The following RCN1 variants were observed in gnomAD, a reference collection of about 807,000 sequenced individuals.
RCN1 encodes reticulocalbin 1.
In RCN1, 14 loss-of-function variants were observed where a neutral mutation model predicts 34.7. The ratio of observed to expected loss-of-function variants is 0.40; its 90% confidence interval spans 0.27 to 0.63. The LOEUF is 0.63. Ranked by LOEUF, RCN1 falls within the 30% of genes least tolerant of loss-of-function variation. The probability of loss-of-function intolerance (pLI) is 0.37; values close to 1 mark genes in which losing one functional copy is unlikely to be tolerated. For missense variants in RCN1, 326 were observed against 425.1 expected (o/e 0.77, Z 2.05); for synonymous variants, 125 against 165.5 (o/e 0.76, Z 1.88).
chr11:32,091,634 G>A (rs1851923115), intron 1 of RCN1, 184 bp downstream of exon 1: 1 of 710,726 alleles, frequency 1.4e-6, no homozygotes, highest in Non-Finnish European at 2.1e-6. Context: ...CGGGACCCCA[G>A]CTTGGAGATC....
At chr11:32,101,970 G>T (rs147286218) in intron 4 of RCN1, 1 of 152,240 alleles carries the variant, frequency 6.6e-6, no homozygotes, top group East Asian at 1.9e-4. Flanking sequence ...TCTTTGAGTG[G>T]CTTTGCCTAA....
intron 4 of RCN1, chr11:32,102,286 A>G (rs1852054720): frequency 6.6e-6 from 1 of 151,992 alleles, no homozygotes; most frequent in Admixed American, 6.5e-5. Flanking sequence ...AAGTGAGCCC[A>G]TTTTTACAGG....
At chr11:32,099,149 C>T (rs990532383) in intron 3 of RCN1, among the ~76,000 whole-genome samples, 1 of 152,154 alleles carries the variant, frequency 6.6e-6, no homozygotes, top group South Asian at 2.1e-4. Flanking sequence ...GAAATGCTGT[C>T]TCTACTAAAG....
At chr11:32,100,732 G>A in intron 4 of RCN1, 124 bp downstream of exon 4, 2 of 686,874 alleles carry the variant, frequency 2.9e-6, no homozygotes, top group Admixed American at 4.8e-5. Flanking sequence ...CGTCACTCCT[G>A]GGAGCTTCCA....
intron 1 of RCN1, among the ~76,000 whole-genome samples, chr11:32,093,600 C>T (rs1361197109): frequency 6.6e-6 from 1 of 151,968 alleles, no homozygotes; most frequent in African/African-American, 2.4e-5. Context: ...AGAAAACAGC[C>T]CATTTCTAAA....
At chr11:32,099,120 C>G (rs1255426094) in intron 3 of RCN1, among the ~76,000 whole-genome samples, 1 of 152,050 alleles carries the variant, frequency 6.6e-6, no homozygotes, top group East Asian at 1.9e-4. Flanking sequence ...GAGTTTGAAA[C>G]CAGCCTGGCC....
chr11:32,091,076 T>G lies in RCN1; in HGVS notation c.-121T>G. 3 of 1,158,706 alleles carry G rather than the reference T, an allele frequency of 2.6e-6. No individual in the cohort carries two copies. Among genetic ancestry groups the G allele is most frequent in the African/African-American group, 1.6e-5 (1 of 60,802 alleles). 71.8% of individuals were successfully genotyped at this position (1,158,706 alleles called of 1,614,324 possible). ...GGGCACTGGCGGAGGGACTGGCCAG[T>G]CCCCTCCTCCGCGCCGGCCCCAACC... On this transcript the variant is annotated 5_prime_UTR_variant, in exon 1 of 6. Coordinates refer to ENST00000054950, the MANE Select transcript of RCN1 (RefSeq NM_002901.4).
At chr11:32,092,603 C>A (rs564327426) in intron 1 of RCN1, among the ~76,000 whole-genome samples, 64 of 152,246 alleles carry the variant, frequency 4.2e-4, no homozygotes, top group African/African-American at 1.5e-3. Context: ...CATTTTAGTA[C>A]ACCCTCCCCG....
chr11:32,094,218 CT>C (rs1851947655), intron 1 of RCN1, among the ~76,000 whole-genome samples: 1 of 152,142 alleles, frequency 6.6e-6, no homozygotes, highest in African/African-American at 2.4e-5. Context: ...ATCTAGGCAA[CT>C]TTGTCACCAT....
rs145162242 is a variant in RCN1, at chr11:32,097,997, C to T, written c.449-353C>T. Among the ~76,000 whole-genome samples the T allele has an allele frequency of 2.6e-5, 4 of 152,266 alleles. No individual in the cohort carries two copies. In the East Asian group the frequency reaches 5.8e-4, roughly 22 times the overall value. On this transcript the variant is annotated intron_variant, in intron 2 of 5. Coordinates refer to ENST00000054950, the MANE Select transcript of RCN1 (RefSeq NM_002901.4). ...GGGAGATCTTGAAAGCCAGGCACGG[C>T]GTTGAGACAAGATGTTTTGGGTACC...
In RCN1 at chr11:32,100,562, C is replaced by T; in HGVS notation, c.642C>T (p.Asp214=). The change falls in exon 4 of 6, where the codon GAC becomes GAT. Residue 214 remains aspartate (D), a synonymous_variant. Transcript: ENST00000054950. ...TTGCTTCCTAGGAAACCCTGGAGGA[C>T]ATCGACAAGAACGGGGATGGGTTTG... is the stretch of plus-strand genomic sequence containing the variant. ...KEIVVLETLE[D]IDKNGDGFVD... 1.2e-6 allele frequency: 2 copies of T among 1,613,996 alleles called. No individual in the cohort carries two copies. The highest frequency in any genetic ancestry group is 1.7e-6 in the Non-Finnish European group (2 of 1,179,874).
intron 3 of RCN1, 50 bp downstream of exon 3, chr11:32,098,578 C>T: frequency 1.4e-6 from 2 of 1,411,344 alleles, no homozygotes; most frequent in South Asian, 1.4e-5. Context: ...GAGAAAACTG[C>T]CTCCAAATCT....
intron 5 of RCN1, 35 bp from the exon 6 acceptor site, chr11:32,104,330 G>A (rs1277616002): frequency 8.0e-7 from 1 of 1,252,866 alleles, no homozygotes; most frequent in Admixed American, 1.7e-5. Flanking sequence ...AGTTACCAGA[G>A]CTTCCATGAC....
chr11:32,091,263 G>C lies in RCN1; in HGVS notation c.67G>C (p.Ala23Pro). ...ALGLLLALVL[A>P]PRVLRAKPTV... ...GGGGCTGCTGCTGGCGCTGGTGCTG[G>C]CGCCGCGGGTTCTGCGGGCCAAGCC... The change falls in exon 1 of 6, where the codon GCG becomes CCG. Residue 23 changes from alanine to proline, a missense_variant. By Grantham distance (27) the Ala-to-Pro change is conservative. Coordinates refer to ENST00000054950, the MANE Select transcript of RCN1 (RefSeq NM_002901.4). 1 of 1,537,590 alleles carries C rather than the reference G, an allele frequency of 6.5e-7. No individual in the cohort carries two copies. Among genetic ancestry groups the C allele is most frequent in the South Asian group, 1.2e-5 (1 of 82,658 alleles).
chr11:32,100,457 C>CCA (rs1565350997), intron 3 of RCN1, 91 bp from the exon 4 acceptor site: 11 of 1,037,396 alleles, frequency 1.1e-5, no homozygotes, highest in Non-Finnish European at 1.7e-5. Context: ...AGCATTCAGC[C>CCA]GTAAAAGCTG....
intron 1 of RCN1, chr11:32,091,690 G>A: frequency 2.0e-6 from 1 of 511,526 alleles, no homozygotes; most frequent in South Asian, 2.8e-5. Context: ...GGGGAGGCGA[G>A]AACGTGGCAG....
At chr11:32,099,880 C>T (rs1418388786) in intron 3 of RCN1, among the ~76,000 whole-genome samples, 1 of 152,170 alleles carries the variant, frequency 6.6e-6, no homozygotes, top group African/African-American at 2.4e-5. Context: ...TGGCAGAGGA[C>T]AGTGCAGGTG....
chr11:32,097,291 A>G lies in RCN1; in HGVS notation c.402A>G (p.Lys134=). 1 of 1,590,210 alleles carries G rather than the reference A, an allele frequency of 6.3e-7. No individual in the cohort carries two copies. Among genetic ancestry groups the G allele is most frequent in the Non-Finnish European group, 8.5e-7 (1 of 1,173,124 alleles). Residue 134 remains lysine (K), a synonymous_variant, in exon 2 of 6, where the codon AAA becomes AAG. Transcript: ENST00000054950. ...WKDYDRDKDD[K]ISWEEYKQAT... ...ATTATGATAGGGACAAGGATGATAA[A>G]ATTTCCTGGGAAGAATACAAACAAG...
chr11:32,092,197 C>T (rs1851930485), intron 1 of RCN1, among the ~76,000 whole-genome samples: 1 of 152,076 alleles, frequency 6.6e-6, no homozygotes, highest in Admixed American at 6.5e-5. Context: ...ATCCCAGCTA[C>T]TTGGGAGGCT....
Sources: gnomAD v4.1 joint callset for allele counts (sites outside exome capture counted in the v4.1 genomes callset) on GRCh38, gnomAD v4.1.1 for gene constraint, MANE v1.5 for transcripts, NCBI Gene and HGNC (gene_info 2026-07-23, HGNC 2026-07-21) for gene names.